The following SYCP1 variants were observed in gnomAD, a reference collection of about 807,000 sequenced individuals.
SYCP1 encodes cancer/testis antigen 8.
In SYCP1, 64 loss-of-function variants were observed where a neutral mutation model predicts 153.1. The observed-to-expected ratio is 0.42, with a 90% CI of 0.34 to 0.51. The LOEUF (loss-of-function observed/expected upper bound fraction) is 0.51, where lower values mean the gene tolerates loss of function less well. Among genes scored for constraint, SYCP1 ranks in the 20% least tolerant of loss-of-function variants. The pLI is 0.06. For synonymous variants in SYCP1, 384 were observed against 341.8 expected, an observed-to-expected ratio of 1.12 and a Z score of -1.36; for missense variants, 997 against 1,049.0, an observed-to-expected ratio of 0.95 and a Z score of 0.68.
intron 8 of SYCP1, among the ~76,000 whole-genome samples, chr1:114,866,194 C>T (rs760368563): frequency 6.6e-5 from 10 of 151,916 alleles, no homozygotes; most frequent in Admixed American, 2.6e-4. Flanking sequence ...TGAGTAAATA[C>T]CAAGGAGCAC....
chr1:114,959,015 G>T (rs951995866), intron 27 of SYCP1, among the ~76,000 whole-genome samples: 1 of 151,406 alleles, frequency 6.6e-6, no homozygotes, highest in Non-Finnish European at 1.5e-5. Context: ...TCATTCTGTG[G>T]GTTGTTTTTT....
intron 27 of SYCP1, among the ~76,000 whole-genome samples, chr1:114,953,625 C>T (rs1035848532): frequency 3.3e-5 from 5 of 152,132 alleles, no homozygotes; most frequent in Non-Finnish European, 5.9e-5. Flanking sequence ...TCTTATGGAT[C>T]TATTTCTATG....
intron 8 of SYCP1, among the ~76,000 whole-genome samples, chr1:114,861,605 G>A (rs562753624): frequency 1.8e-4 from 27 of 151,978 alleles, no homozygotes; most frequent in Non-Finnish European, 2.6e-4. Context: ...GTCCACCTAG[G>A]GAGCTTGAAT....
chr1:114,856,921 CAAAAAAAA>C (rs758650224), intron 3 of SYCP1, among the ~76,000 whole-genome samples: 23 of 37,294 alleles, frequency 6.2e-4, no homozygotes, highest in South Asian at 1.6e-3. Flanking sequence ...CCTGTCTGTA[CAAAAAAAA>C]AAAAAAAAAA....
At position 114,947,338 on chromosome 1, in the gene SYCP1, A is replaced by G. The variant is rs377697173; in HGVS notation, c.2322+18A>G. ...AAGAGAAGGTAGGTTTTTTGGCATT[A>G]TAGATAAAATGATTACAAGGTTTAG... On this transcript the variant is annotated intron_variant, in intron 27 of 31. Coordinates refer to ENST00000369522, the MANE Select transcript of SYCP1 (RefSeq NM_003176.4). 9 of 1,593,040 alleles carry G rather than the reference A, an allele frequency of 5.6e-6. No homozygotes were observed. The East Asian group carries it at 1.1e-4, about 20-fold the overall frequency.
intron 23 of SYCP1, among the ~76,000 whole-genome samples, chr1:114,930,503 A>C (rs1669555509): frequency 6.6e-6 from 1 of 152,010 alleles, no homozygotes; most frequent in Non-Finnish European, 1.5e-5. Context: ...ACAAGCATTA[A>C]AAAGATAAGA....
chr1:114,962,974 T>C (rs1390624308), intron 27 of SYCP1, among the ~76,000 whole-genome samples: 2 of 152,220 alleles, frequency 1.3e-5, no homozygotes, highest in Non-Finnish European at 2.9e-5. Context: ...AATTATTTTG[T>C]TTAAGGAGCC....
At chr1:114,932,572 C>T (rs762778760) in intron 23 of SYCP1, among the ~76,000 whole-genome samples, 1 of 152,112 alleles carries the variant, frequency 6.6e-6, no homozygotes, top group Non-Finnish European at 1.5e-5. Context: ...GTGGGTGCAG[C>T]CCACAGAGCG....
At chr1:114,949,067 AG>A (rs1189869290) in intron 27 of SYCP1, among the ~76,000 whole-genome samples, 1 of 152,216 alleles carries the variant, frequency 6.6e-6, no homozygotes, top group Non-Finnish European at 1.5e-5. Flanking sequence ...TTTACGGCAA[AG>A]GGATCTCCGT....
intron 30 of SYCP1, among the ~76,000 whole-genome samples, chr1:114,990,866 C>T (rs1482284736): frequency 6.6e-6 from 1 of 151,728 alleles, no homozygotes; most frequent in Non-Finnish European, 1.5e-5. Flanking sequence ...TAAATTCTAC[C>T]AAATATTTAA....
At chr1:114,857,809 T>C (rs918980301) in intron 5 of SYCP1, among the ~76,000 whole-genome samples, 6 of 152,046 alleles carry the variant, frequency 3.9e-5, no homozygotes, top group African/African-American at 1.4e-4. Flanking sequence ...GGTTGACTGG[T>C]TTATTGTATA....
chr1:114,873,971 A>G (rs1401977912), intron 8 of SYCP1, among the ~76,000 whole-genome samples: 3 of 152,074 alleles, frequency 2.0e-5, no homozygotes, highest in Non-Finnish European at 4.4e-5. Flanking sequence ...GCATCAAGCA[A>G]CCTGCCAACC....
intron 27 of SYCP1, among the ~76,000 whole-genome samples, chr1:114,965,693 C>G (rs575434726): frequency 6.6e-6 from 1 of 151,456 alleles, no homozygotes; most frequent in Non-Finnish European, 1.5e-5. Context: ...GCGTTGCATC[C>G]CAGGAATTGA....
chr1:114,924,866 G>A (rs1363078593), intron 21 of SYCP1, among the ~76,000 whole-genome samples: 2 of 152,128 alleles, frequency 1.3e-5, no homozygotes, highest in East Asian at 3.9e-4. Context: ...ATTTTGACAT[G>A]AAGATTGTTA....
intron 20 of SYCP1, among the ~76,000 whole-genome samples, chr1:114,920,838 C>CCGTT (rs939051052): frequency 6.6e-6 from 1 of 152,006 alleles, no homozygotes; most frequent in African/African-American, 2.4e-5. Context: ...GTTTCTTTTA[C>CCGTT]CGTTCCTATA....
At chr1:114,955,547 AG>A (rs1384833602) in intron 27 of SYCP1, among the ~76,000 whole-genome samples, 1 of 152,156 alleles carries the variant, frequency 6.6e-6, no homozygotes, top group Non-Finnish European at 1.5e-5. Flanking sequence ...ATTTCTGAAA[AG>A]GACTTTTAAA....
chr1:114,892,249 G>C (rs895796095), intron 15 of SYCP1, among the ~76,000 whole-genome samples: 2 of 152,158 alleles, frequency 1.3e-5, no homozygotes, highest in African/African-American at 4.8e-5. Context: ...GGGGTGGGGT[G>C]ATTCCTATGC....
intron 11 of SYCP1, 147 bp from the exon 12 acceptor site, chr1:114,877,947 G>T (rs1249376736): frequency 2.0e-6 from 1 of 509,108 alleles, no homozygotes; most frequent in East Asian, 3.5e-5. Context: ...TACATTGGCT[G>T]CCAGGGAGTA....
intron 29 of SYCP1, among the ~76,000 whole-genome samples, chr1:114,984,428 A>T (rs1469395097): frequency 6.6e-6 from 1 of 152,040 alleles, no homozygotes; most frequent in Non-Finnish European, 1.5e-5. Flanking sequence ...TGATTGCTGA[A>T]TCTGGAGTGT....
Sources: allele counts gnomAD v4.1 joint callset (sites outside exome capture counted in the v4.1 genomes callset), GRCh38; gene constraint gnomAD v4.1.1; transcripts MANE v1.5; gene names NCBI Gene and HGNC (gene_info 2026-07-23, HGNC 2026-07-21).